The following NPAS2 variants were observed in gnomAD, a reference collection of about 807,000 sequenced individuals.
The protein encoded by NPAS2 is neuronal PAS domain-containing protein 2.
In NPAS2, 23 loss-of-function variants were observed where a neutral mutation model predicts 107.5. That is an observed-to-expected ratio of 0.21 (90% CI 0.15 to 0.30). The LOEUF (loss-of-function observed/expected upper bound fraction) is 0.30, where lower values mean the gene tolerates loss of function less well. Among genes scored for constraint, NPAS2 ranks in the 10% least tolerant of loss-of-function variants. NPAS2 has a pLI of 1.00. For missense variants in NPAS2, 756 were observed against 1,043.3 expected (o/e 0.72, Z 3.79); for synonymous variants, 403 against 417.5 (o/e 0.97, Z 0.42).
At chr2:100,982,083 C>A in intron 15 of NPAS2, 148 bp from the exon 16 acceptor site, 1 of 950,058 alleles carries the variant, frequency 1.1e-6, no homozygotes, top group Non-Finnish European at 1.6e-6. Flanking sequence ...TGTTCACTGC[C>A]CAGGACCCAG....
At chr2:100,925,955 C>T (rs1683534626) in intron 3 of NPAS2, among the ~76,000 whole-genome samples, 1 of 152,192 alleles carries the variant, frequency 6.6e-6, no homozygotes, top group African/African-American at 2.4e-5. Flanking sequence ...TTCCCCCTCC[C>T]TCCAGATCCT....
At chr2:100,961,145 T>C (rs565380300) in intron 7 of NPAS2, among the ~76,000 whole-genome samples, 9 of 152,186 alleles carry the variant, frequency 5.9e-5, no homozygotes, top group Non-Finnish European at 1.2e-4. Flanking sequence ...ATTACTTAAA[T>C]TGAAACAACT....
Position 100,982,237 on chromosome 2 carries a change from G to A in NPAS2, c.1489G>A (p.Ala497Thr). ...STPAPMAQFS[A>T]QFSMFQTIKD... ...TTTCGGCTCCACCTTGAAGTTTTCGGCACAGTTCAGCATGTTCCAGACCAT... is the reference window on the plus strand; with the variant it reads ...TTTCGGCTCCACCTTGAAGTTTTCGACACAGTTCAGCATGTTCCAGACCAT... The change falls in exon 16 of 21, where the codon GCA (alanine) becomes ACA (threonine). Residue 497 changes from alanine (A) to threonine (T), a missense_variant. Ala to Thr is a moderately conservative substitution (Grantham distance 58). Coordinates refer to ENST00000335681, the MANE Select transcript of NPAS2 (RefSeq NM_002518.4). 5 of 1,614,062 alleles carry A rather than the reference G, an allele frequency of 3.1e-6. No homozygotes were observed. Among genetic ancestry groups the A allele is most frequent in the Non-Finnish European group, 4.2e-6 (5 of 1,180,018 alleles).
intron 1 of NPAS2, among the ~76,000 whole-genome samples, chr2:100,868,615 A>G (rs369870643): frequency 6.6e-6 from 1 of 152,142 alleles, no homozygotes; most frequent in Non-Finnish European, 1.5e-5. Context: ...TGAGTTTTGC[A>G]TGTGTTAGGT....
intron 1 of NPAS2, among the ~76,000 whole-genome samples, chr2:100,838,563 C>T (rs562651100): frequency 9.2e-5 from 14 of 152,308 alleles, no homozygotes; most frequent in African/African-American, 1.9e-4. Flanking sequence ...CAGATGTGAG[C>T]CACCATGCCT....
chr2:100,911,011 T>C (rs1461395094), intron 2 of NPAS2, among the ~76,000 whole-genome samples: 1 of 152,216 alleles, frequency 6.6e-6, no homozygotes, highest in African/African-American at 2.4e-5. Flanking sequence ...CCTTGATTTA[T>C]GCCGAAGTTA....
chr2:100,871,227 C>G (rs1369961699), intron 1 of NPAS2, among the ~76,000 whole-genome samples: 1 of 152,090 alleles, frequency 6.6e-6, no homozygotes, highest in East Asian at 1.9e-4. Flanking sequence ...GGTAGCCCAT[C>G]AAACTGAAAA....
At chr2:100,955,306 A>G (rs975314575) in intron 7 of NPAS2, among the ~76,000 whole-genome samples, 1 of 152,202 alleles carries the variant, frequency 6.6e-6, no homozygotes, top group Admixed American at 6.5e-5. Context: ...TGTATAAATA[A>G]TGGAATGGGA....
chr2:100,832,150 G>A (rs1181624881), intron 1 of NPAS2, among the ~76,000 whole-genome samples: 2 of 152,128 alleles, frequency 1.3e-5, no homozygotes, highest in Admixed American at 6.5e-5. Context: ...CCTCATGTAG[G>A]GTAGGCACAT....
chr2:100,947,474 C>G (rs2105039160), intron 5 of NPAS2, among the ~76,000 whole-genome samples: 1 of 151,596 alleles, frequency 6.6e-6, no homozygotes, highest in South Asian at 2.1e-4. Flanking sequence ...TCGCTTGAAC[C>G]TGGAAGGTGG....
intron 15 of NPAS2, 112 bp from the exon 16 acceptor site, chr2:100,982,119 A>T (rs1311910016): frequency 7.6e-7 from 1 of 1,315,226 alleles, no homozygotes; most frequent in Non-Finnish European, 1.1e-6. Flanking sequence ...GGATGCTGGG[A>T]AAGACGGCTA....
chr2:100,935,925 G>A (rs1022630155), intron 4 of NPAS2, among the ~76,000 whole-genome samples: 22 of 152,080 alleles, frequency 1.4e-4, no homozygotes, highest in African/African-American at 3.4e-4. Context: ...GTTCTTCGTT[G>A]TGGGGACTCT....
At chr2:100,873,271 A>AT (rs1679704026) in intron 1 of NPAS2, among the ~76,000 whole-genome samples, 2 of 47,978 alleles carry the variant, frequency 4.2e-5, no homozygotes, top group Admixed American at 4.1e-4. Context: ...AAAAAAAAAA[A>AT]ATACATATAT....
rs1411064507 is a variant in NPAS2, at chr2:100,904,762, A to G, written c.8A>G (p.Glu3Gly). The change falls in exon 2 of 21, where the codon GAA (glutamate) becomes GGA (glycine). Residue 3 changes from glutamate (E) to glycine (G), a missense_variant. Physicochemically the swap from Glu to Gly is moderately conservative, Grantham distance 98. This residue lies in a region of NPAS2 where 146 missense variants were observed against 249.6 expected (regional missense o/e 0.58). Transcript: ENST00000335681. MD[E>G]DEKDRAKRAS... Reference sequence around the variant, plus strand: ...AACTGCATAGAAAATCTAATGGATGAAGATGAGAAAGACAGAGCCAAGAGG... The same window carrying G: ...AACTGCATAGAAAATCTAATGGATGGAGATGAGAAAGACAGAGCCAAGAGG... 1 of 1,605,358 alleles carries G rather than the reference A, an allele frequency of 6.2e-7. No homozygotes were observed. Among genetic ancestry groups the G allele is most frequent in the Admixed American group, 1.7e-5 (1 of 59,406 alleles).
rs540305574 is a variant in NPAS2, at chr2:100,926,770, G to T, written c.181+1476G>T. On this transcript the variant is annotated intron_variant, in intron 3 of 20. Transcript: ENST00000335681. Reference sequence around the variant, plus strand: ...TTTTACTTTTCAAGTGATACTCTTTGACACACGAAGGTTTTAAATTTTAAT... The same window carrying T: ...TTTTACTTTTCAAGTGATACTCTTTTACACACGAAGGTTTTAAATTTTAAT... Among the ~76,000 whole-genome samples, 3 of 152,052 alleles carry T rather than the reference G, an allele frequency of 2.0e-5. No individual in the cohort carries two copies. In the East Asian group the frequency reaches 5.8e-4, roughly 29 times the overall value.
At chr2:100,860,228 C>T (rs965453417) in intron 1 of NPAS2, among the ~76,000 whole-genome samples, 1 of 152,168 alleles carries the variant, frequency 6.6e-6, no homozygotes, top group Non-Finnish European at 1.5e-5. Context: ...AGGTCATTTC[C>T]TTCATAGAAT....
Position 100,959,655 on chromosome 2 carries a change from T to G in NPAS2, c.599-4403T>G, listed in dbSNP as rs11892796. On this transcript the variant is annotated intron_variant, in intron 7 of 20. Coordinates refer to ENST00000335681, the MANE Select transcript of NPAS2 (RefSeq NM_002518.4). ...TTATCACGATTGGGACTTAACAACT[T>G]TATTCTTCCTGGAGCGAAACCTCAT... 1.9e-3 allele frequency among the ~76,000 whole-genome samples: 288 copies of G among 152,342 alleles called. 2 individuals are homozygous for G. Among genetic ancestry groups the G allele is most frequent in the African/African-American group, 6.7e-3 (277 of 41,576 alleles).
intron 2 of NPAS2, among the ~76,000 whole-genome samples, chr2:100,918,720 T>A (rs568429433): frequency 2.6e-5 from 4 of 152,210 alleles, no homozygotes; most frequent in Non-Finnish European, 5.9e-5. Flanking sequence ...TTTCTTAGAT[T>A]AGCTAAAATT....
chr2:100,868,271 T>C (rs1046225941), intron 1 of NPAS2, among the ~76,000 whole-genome samples: 9 of 152,248 alleles, frequency 5.9e-5, no homozygotes, highest in Non-Finnish European at 1.0e-4. Flanking sequence ...TATACAAATC[T>C]AGGGTGATGG....
Sources: gnomAD v4.1 joint callset for allele counts (sites outside exome capture counted in the v4.1 genomes callset) on GRCh38, gnomAD v4.1.1 for gene constraint, gnomAD v4.1.1 regional missense constraint, MANE v1.5 for transcripts, NCBI Gene and HGNC (gene_info 2026-07-23, HGNC 2026-07-21) for gene names.